AKAP6: variants seen among roughly 807,000 people sequenced by gnomAD.
AKAP6 encodes the protein A-kinase anchoring protein 6.
AKAP6 carries 58 observed loss-of-function variants against 188.5 expected under a neutral mutation model. The observed-to-expected ratio is 0.31, with a 90% confidence interval of 0.25 to 0.38. The LOEUF (loss-of-function observed/expected upper bound fraction) is 0.38. AKAP6 is among the 10% of genes least tolerant of loss of function. The probability of loss-of-function intolerance (pLI) is 1.00; values close to 1 mark genes in which losing one functional copy is unlikely to be tolerated. For missense variants in AKAP6, 2,710 were observed against 2,740.0 expected, an observed-to-expected ratio of 0.99 and a Z score of 0.24; for synonymous variants, 989 against 998.6, an observed-to-expected ratio of 0.99 and a Z score of 0.18.
rs184708352 is a variant in AKAP6, at chr14:32,622,786, C to T, written c.2730+21994C>T. ...CTACAGTGAGGAGCTTTGAGTGGGA[C>T]ATAGAACAGGAGGATCATAGCACCC... On this transcript the variant is annotated intron_variant, in intron 7 of 13. Coordinates refer to ENST00000280979, the MANE Select transcript of AKAP6 (RefSeq NM_004274.5). Among the ~76,000 whole-genome samples, 463 of 152,068 alleles carry T rather than the reference C, an allele frequency of 3.0e-3. 3 individuals are homozygous for T. Among genetic ancestry groups the T allele is most frequent in the African/African-American group, 0.01 (415 of 41,494 alleles).
At chr14:32,605,885 A>G (rs910288759) in intron 7 of AKAP6, among the ~76,000 whole-genome samples, 1 of 152,202 alleles carries the variant, frequency 6.6e-6, no homozygotes, top group Non-Finnish European at 1.5e-5. Context: ...CTTGAGAAGC[A>G]TAATAGAAAA....
chr14:32,747,255 C>T (rs1312475705), intron 11 of AKAP6, among the ~76,000 whole-genome samples: 2 of 152,180 alleles, frequency 1.3e-5, no homozygotes, highest in Non-Finnish European at 2.9e-5. Context: ...AATGTTTTAG[C>T]AGTTTTGATG....
chr14:32,426,600 A>T (rs144385338), intron 1 of AKAP6, among the ~76,000 whole-genome samples: 44 of 152,282 alleles, frequency 2.9e-4, no homozygotes, highest in Admixed American at 3.9e-4. Context: ...GTGACTGCCT[A>T]ATGCTTAAAG....
Position 32,482,463 on chromosome 14 carries a change from ATG to A in AKAP6, c.324+48648_324+48649del, listed in dbSNP as rs561142943. ...TCATTTCCTTTAGGTCTCAATTCAA[ATG>A]TCACTTGTCAGAGATTATTTCCTGA... is the stretch of plus-strand genomic sequence containing the variant. On this transcript the variant is annotated intron_variant, in intron 2 of 13. Coordinates refer to ENST00000280979, the MANE Select transcript of AKAP6 (RefSeq NM_004274.5). 9.2e-5 allele frequency among the ~76,000 whole-genome samples: 14 copies of A among 152,258 alleles called. No individual in the cohort carries two copies. In the East Asian group the frequency reaches 2.7e-3, roughly 29 times the overall value.
At chr14:32,717,889 A>C (rs780070790) in intron 9 of AKAP6, among the ~76,000 whole-genome samples, 2 of 152,088 alleles carry the variant, frequency 1.3e-5, no homozygotes, top group African/African-American at 4.8e-5. Context: ...GCTATTAAAA[A>C]TCTGTTGGGT....
In AKAP6 at chr14:32,546,577, G is replaced by A; in HGVS notation, c.1924G>A (p.Val642Ile). 1 of 1,614,188 alleles carries A rather than the reference G, an allele frequency of 6.2e-7. No individual in the cohort carries two copies. ...ALPSHLKQTE[V>I]LALKLENLTK... ...GCCCTCTCACCTTAAGCAGACAGAAGTATTGGCTTTGAAGTTGGAAAACCT... is the reference window on the plus strand; with the variant it reads ...GCCCTCTCACCTTAAGCAGACAGAAATATTGGCTTTGAAGTTGGAAAACCT... The change falls in exon 4 of 14, where the codon GTA (valine) becomes ATA (isoleucine). Residue 642 changes from valine (V) to isoleucine (I), a missense_variant. Physicochemically the swap from Val to Ile is conservative, Grantham distance 29 (BLOSUM62 3). Around this residue, in one of 2 missense-constraint regions of AKAP6, gnomAD observed 2,473 missense variants for 2,426.1 expected, o/e 1.02. Transcript: ENST00000280979.
At chr14:32,787,634 G>A (rs980570922) in intron 12 of AKAP6, among the ~76,000 whole-genome samples, 1 of 152,020 alleles carries the variant, frequency 6.6e-6, no homozygotes, top group African/African-American at 2.4e-5. Context: ...TAAAATTTTA[G>A]TGCTGCTACA....
intron 2 of AKAP6, among the ~76,000 whole-genome samples, chr14:32,498,720 G>A (rs1880452333): frequency 6.6e-6 from 1 of 152,092 alleles, no homozygotes; most frequent in Non-Finnish European, 1.5e-5. Flanking sequence ...ACTATTCCCA[G>A]TTCTGGTGCA....
chr14:32,540,632 C>T (rs1882906337), intron 3 of AKAP6, among the ~76,000 whole-genome samples: 3 of 152,112 alleles, frequency 2.0e-5, no homozygotes, highest in African/African-American at 7.2e-5. Flanking sequence ...CAACAGGCAA[C>T]ACCCCTAACT....
At chr14:32,332,208 G>T (rs558022438) in intron 1 of AKAP6, among the ~76,000 whole-genome samples, 4 of 152,168 alleles carry the variant, frequency 2.6e-5, no homozygotes, top group South Asian at 2.1e-4. Flanking sequence ...AAACCATTGC[G>T]ATCTGGCTAT....
At chr14:32,437,448 A>G (rs1032584778) in intron 2 of AKAP6, among the ~76,000 whole-genome samples, 1 of 152,200 alleles carries the variant, frequency 6.6e-6, no homozygotes, top group Non-Finnish European at 1.5e-5. Context: ...TAAAAAACGT[A>G]GTTGGAAAAT....
At chr14:32,746,604 G>A (rs896372531) in intron 11 of AKAP6, among the ~76,000 whole-genome samples, 1 of 152,158 alleles carries the variant, frequency 6.6e-6, no homozygotes, top group African/African-American at 2.4e-5. Context: ...GGTACAAGGG[G>A]AATGATTAGG....
intron 11 of AKAP6, among the ~76,000 whole-genome samples, chr14:32,744,148 T>C (rs8018424): frequency 0.52 from 79,308 of 151,872 alleles, 20,904 homozygotes; most frequent in South Asian, 0.7. Context: ...GTCTGCTGCC[T>C]GCCATATTGG....
At chr14:32,788,179 C>G (rs2033488128) in intron 12 of AKAP6, among the ~76,000 whole-genome samples, 1 of 151,830 alleles carries the variant, frequency 6.6e-6, no homozygotes, top group African/African-American at 2.4e-5. Flanking sequence ...AGTAGATTTT[C>G]AAGAAAGCTG....
intron 7 of AKAP6, among the ~76,000 whole-genome samples, chr14:32,646,251 T>C (rs1463067142): frequency 6.6e-6 from 1 of 151,886 alleles, no homozygotes; most frequent in African/African-American, 2.4e-5. Flanking sequence ...TATAATAATA[T>C]ATAATACATA....
chr14:32,528,626 C>A (rs113871460), intron 2 of AKAP6, among the ~76,000 whole-genome samples: 1 of 152,024 alleles, frequency 6.6e-6, no homozygotes, highest in African/African-American at 2.4e-5. Context: ...CCGTTGAGTT[C>A]TTTTTAAACA....
intron 2 of AKAP6, among the ~76,000 whole-genome samples, chr14:32,446,777 G>A (rs895211904): frequency 6.6e-5 from 10 of 152,112 alleles, no homozygotes; most frequent in African/African-American, 2.2e-4. Context: ...TGTGTTGCAG[G>A]TTTCCAGAAC....
intron 9 of AKAP6, among the ~76,000 whole-genome samples, chr14:32,710,965 T>C (rs1445747569): frequency 1.3e-5 from 2 of 152,068 alleles, no homozygotes; most frequent in Admixed American, 1.3e-4. Context: ...ATGGTAGAGT[T>C]GAGTAGCATG....
rs1022406258 is a variant in AKAP6 at position 32,470,434 on chromosome 14, AGAT to A, written c.324+36621_324+36623del. Among the ~76,000 whole-genome samples, 5 of 152,200 alleles carry A rather than the reference AGAT, an allele frequency of 3.3e-5. No homozygotes were observed. The South Asian group carries it at 6.2e-4, about 19-fold the overall frequency. On this transcript the variant is annotated intron_variant, in intron 2 of 13. Coordinates refer to ENST00000280979, the MANE Select transcript of AKAP6 (RefSeq NM_004274.5). Reference sequence around the variant, plus strand: ...CAGTATCTTATTCTCATAAAAAGTTAGATGATATTCTCTGACTCATGGCTTATT... The same window carrying A: ...CAGTATCTTATTCTCATAAAAAGTTAGATATTCTCTGACTCATGGCTTATT...
Sources: gnomAD v4.1 joint callset for allele counts (sites outside exome capture counted in the v4.1 genomes callset) on GRCh38, gnomAD v4.1.1 for gene constraint, gnomAD v4.1.1 regional missense constraint, MANE v1.5 for transcripts, NCBI Gene and HGNC (gene_info 2026-07-23, HGNC 2026-07-21) for gene names.